The following SPN variants were observed in gnomAD, a reference collection of about 807,000 sequenced individuals.
SPN encodes the protein leukosialin.
A neutral mutation model predicts 8.4 loss-of-function variants in SPN; 6 were observed. The observed-to-expected ratio is 0.72, with a 90% CI of 0.39 to 1.42. The LOEUF is 1.42. Among genes scored for constraint, SPN ranks in the 40% most tolerant of loss-of-function variants. The pLI, the probability that SPN is intolerant of heterozygous loss-of-function variation, is 0.02. For missense variants in SPN, 517 were observed against 530.6 expected, an observed-to-expected ratio of 0.97 and a Z score of 0.25; for synonymous variants, 201 against 222.6, an observed-to-expected ratio of 0.90 and a Z score of 0.86.
chr16:29,663,390 G>T lies in SPN; in HGVS notation c.-35+74G>T, dbSNP rs1372829488. On this transcript the variant is annotated intron_variant, in intron 1 of 1. Transcript: ENST00000652691. The surrounding 1 kb of genome is among the most constrained non-coding windows in gnomAD (Gnocchi z 4.3). Reference sequence around the variant, plus strand: ...TGTGCCTGTGGCTTGAAAAGACTCTGACAGGTTATGATGGGAAGAGATTGG... The same window carrying T: ...TGTGCCTGTGGCTTGAAAAGACTCTTACAGGTTATGATGGGAAGAGATTGG... The T allele has an allele frequency of 4.4e-6, 1 of 225,724 alleles. No homozygotes were observed. Among genetic ancestry groups the T allele is most frequent in the Non-Finnish European group, 8.6e-6 (1 of 116,082 alleles). The allele number at this position is 225,724 out of a possible 1,614,324, so 14.0% of individuals were successfully genotyped here. A position where few individuals can be genotyped will look rare whatever the true frequency, so the allele number is the denominator to read the frequency against.
rs1015754272 is a variant in SPN at position 29,667,987 on chromosome 16, T to C, written c.*3056T>C. ...GCACATGTGTGTGCGCATGTGTGTG[T>C]GTGCGCGCATGTGTGTGTGCATGCA... On this transcript the variant is annotated 3_prime_UTR_variant, in exon 2 of 2. Coordinates refer to ENST00000652691, the MANE Select transcript of SPN (RefSeq NM_003123.6). 1.2e-5 allele frequency: 2 copies of C among 166,698 alleles called. No homozygotes were observed. Among genetic ancestry groups the C allele is most frequent in the Admixed American group, 6.6e-5 (1 of 15,218 alleles). 10.3% of individuals were successfully genotyped at this position (166,698 alleles called of 1,614,324 possible).
chr16:29,669,805 G>A lies in SPN; in HGVS notation c.*4874G>A, dbSNP rs1421350688. On this transcript the variant is annotated 3_prime_UTR_variant, in exon 2 of 2. Coordinates refer to ENST00000652691, the MANE Select transcript of SPN (RefSeq NM_003123.6). Reference sequence around the variant, plus strand: ...GCAGGAGAATCCCTTGAACCCAGGAGGTGGAGGTTGCAGTGAGCCGAGATC... The same window carrying A: ...GCAGGAGAATCCCTTGAACCCAGGAAGTGGAGGTTGCAGTGAGCCGAGATC... The A allele has an allele frequency of 6.0e-6, 1 of 165,802 alleles. No individual in the cohort carries two copies. Among genetic ancestry groups the A allele is most frequent in the Non-Finnish European group, 1.5e-5 (1 of 67,910 alleles). 10.3% of individuals were successfully genotyped at this position (165,802 alleles called of 1,614,324 possible). A position where few individuals can be genotyped will look rare whatever the true frequency, so the allele number is the denominator to read the frequency against.
rs1596773763 is a variant in SPN at position 29,667,633 on chromosome 16, A to G, written c.*2702A>G. On this transcript the variant is annotated 3_prime_UTR_variant, in exon 2 of 2. Transcript: ENST00000652691. ...TCTACTAAAAATACAAAAGTTAGCC[A>G]GGCATGGTGGTGTGCTCCTGTAATC... 6.6e-6 allele frequency: 1 copy of G among 152,570 alleles called. No homozygotes were observed. The highest frequency in any genetic ancestry group is 1.9e-4 in the East Asian group (1 of 5,172). 9.5% of individuals were successfully genotyped at this position (152,570 alleles called of 1,614,324 possible). A position where few individuals can be genotyped will look rare whatever the true frequency, so the allele number is the denominator to read the frequency against.
chr16:29,664,936 C>G lies in SPN; in HGVS notation c.*5C>G. Reference sequence around the variant, plus strand: ...GGAGACGGGGCTGCCCCTTAAGTGTCGGTGAATAGTGAGGCTGGAGGCCGG... The same window carrying G: ...GGAGACGGGGCTGCCCCTTAAGTGTGGGTGAATAGTGAGGCTGGAGGCCGG... On this transcript the variant is annotated 3_prime_UTR_variant, in exon 2 of 2. Coordinates refer to ENST00000652691, the MANE Select transcript of SPN (RefSeq NM_003123.6). The surrounding 1 kb of genome is among the most constrained non-coding windows in gnomAD (Gnocchi z 6.4). 2.2e-6 allele frequency: 3 copies of G among 1,373,154 alleles called. No individual in the cohort carries two copies. Among genetic ancestry groups the G allele is most frequent in the Non-Finnish European group, 2.8e-6 (3 of 1,058,088 alleles). 85.1% of individuals were successfully genotyped at this position (1,373,154 alleles called of 1,614,324 possible). A position where few individuals can be genotyped will look rare whatever the true frequency, so the allele number is the denominator to read the frequency against.
Position 29,668,398 on chromosome 16 carries a change from T to A in SPN, c.*3467T>A, listed in dbSNP as rs992886447. 2.2e-5 allele frequency: 3 copies of A among 139,468 alleles called. No homozygotes were observed. The highest frequency in any genetic ancestry group is 4.6e-5 in the Non-Finnish European group (3 of 65,490). The allele number at this position is 139,468 out of a possible 1,614,324, so 8.6% of individuals were successfully genotyped here. On this transcript the variant is annotated 3_prime_UTR_variant, in exon 2 of 2. Coordinates refer to ENST00000652691, the MANE Select transcript of SPN (RefSeq NM_003123.6). The stretch of plus-strand genomic sequence containing the variant: ...GCTGCTGTGCCTGGCATGTTGCAGA[T>A]CCTCCATGAATATGCATTTGAATGA...
rs1198916248 is a variant in SPN, at chr16:29,664,492, T to C, written c.764T>C (p.Met255Thr). The C allele has an allele frequency of 6.2e-7, 1 of 1,614,228 alleles. No homozygotes were observed. The highest frequency in any genetic ancestry group is 1.1e-5 in the South Asian group (1 of 91,086). ...FRNPDENSRG[M>T]LPVAVLVALL... ...AACCCAGATGAGAACTCACGAGGCA[T>C]GCTGCCAGTGGCTGTGCTTGTGGCC... Residue 255 changes from methionine to threonine, a missense_variant, in exon 2 of 2, where the codon ATG (methionine) becomes ACG (threonine). Coordinates refer to ENST00000652691, the MANE Select transcript of SPN (RefSeq NM_003123.6). The surrounding 1 kb of genome is among the most constrained non-coding windows in gnomAD (Gnocchi z 6.4).
Position 29,664,547 on chromosome 16 carries a change from G to A in SPN, c.819G>A (p.Leu273=), listed in dbSNP as rs778784117. The A allele has an allele frequency of 1.9e-6, 3 of 1,613,732 alleles. No individual in the cohort carries two copies. The East Asian group carries it at 6.7e-5, about 36-fold the overall frequency. ...TGGCGGTCATAGTCCTCGTGGCTCTGCTCCTGCTGTGGCGCCGGCGGCAGA... is the reference window on the plus strand; with the variant it reads ...TGGCGGTCATAGTCCTCGTGGCTCTACTCCTGCTGTGGCGCCGGCGGCAGA... ...ALLAVIVLVA[L]LLLWRRRQKR... The change falls in exon 2 of 2, where the codon CTG becomes CTA. Residue 273 remains leucine (L), a synonymous_variant. Coordinates refer to ENST00000652691, the MANE Select transcript of SPN (RefSeq NM_003123.6). The surrounding 1 kb of genome is among the most constrained non-coding windows in gnomAD (Gnocchi z 6.4).
Position 29,666,552 on chromosome 16 carries a change from A to ACACACACGCGCGCGCGCGCG in SPN, c.*1622_*1623insACACACGCGCGCGCGCGCGC, listed in dbSNP as rs139174583. ...CACACACACACACACACACACACAC[A>ACACACACGCGCGCGCGCGCG]CGCGCGCGCGCGCGCGCTCTCCTGC... On this transcript the variant is annotated 3_prime_UTR_variant, in exon 2 of 2. Coordinates refer to ENST00000652691, the MANE Select transcript of SPN (RefSeq NM_003123.6). 8 of 141,252 alleles carry ACACACACGCGCGCGCGCGCG rather than the reference A, an allele frequency of 5.7e-5. No individual in the cohort carries two copies. The highest frequency in any genetic ancestry group is 2.7e-4 in the South Asian group (1 of 3,696). 8.7% of individuals were successfully genotyped at this position (141,252 alleles called of 1,614,324 possible).
chr16:29,664,566 C>A lies in SPN; in HGVS notation c.838C>A (p.Arg280=). Residue 280 remains arginine, a synonymous_variant, in exon 2 of 2, where the codon CGG becomes AGG. Coordinates refer to ENST00000652691, the MANE Select transcript of SPN (RefSeq NM_003123.6). The surrounding 1 kb of genome is among the most constrained non-coding windows in gnomAD (Gnocchi z 6.4). ...LVALLLLWRR[R]QKRRTGALVL... ...GGCTCTGCTCCTGCTGTGGCGCCGG[C>A]GGCAGAAGCGGCGGACTGGGGCCCT... The A allele has an allele frequency of 6.2e-7, 1 of 1,612,726 alleles. No homozygotes were observed. The highest frequency in any genetic ancestry group is 8.5e-7 in the Non-Finnish European group (1 of 1,179,552).
chr16:29,664,208 C>G lies in SPN; in HGVS notation c.480C>G (p.Thr160=). ...CCACGGCAGCTAGCTCTCTGGAGAC[C>G]TCCAGAGGCACCTCTGGACCCCCTC... ...PVTTAASSLE[T]SRGTSGPPLT... The change falls in exon 2 of 2, where the codon ACC becomes ACG. Residue 160 remains threonine, a synonymous_variant. Coordinates refer to ENST00000652691, the MANE Select transcript of SPN (RefSeq NM_003123.6). The surrounding 1 kb of genome is among the most constrained non-coding windows in gnomAD (Gnocchi z 6.4). 1 of 1,613,890 alleles carries G rather than the reference C, an allele frequency of 6.2e-7. No individual in the cohort carries two copies. Among genetic ancestry groups the G allele is most frequent in the South Asian group, 1.1e-5 (1 of 91,056 alleles).
Position 29,663,736 on chromosome 16 carries a change from C to T in SPN, c.8C>T (p.Thr3Met), listed in dbSNP as rs762062584. The part of the protein sequence containing the change: MA[T>M]LLLLLGVLVV... The stretch of plus-strand genomic sequence containing the variant: ...CTGCCTGTTTGCCTGGAAATGGCCA[C>T]GCTTCTCCTTCTCCTTGGGGTGCTG... The change falls in exon 2 of 2, where the codon ACG becomes ATG. Residue 3 changes from threonine (T) to methionine (M), a missense_variant. Transcript: ENST00000652691. The surrounding 1 kb of genome is among the most constrained non-coding windows in gnomAD (Gnocchi z 4.3). 26 of 1,564,188 alleles carry T rather than the reference C, an allele frequency of 1.7e-5. No homozygotes were observed. The highest frequency in any genetic ancestry group is 2.1e-5 in the Non-Finnish European group (24 of 1,157,026).
rs764313860 is a variant in SPN at position 29,664,670 on chromosome 16, C to T, written c.942C>T (p.Ala314=). ...CAGCCCAGGTCCCTGAGGAGGGGGC[C>T]GTGACAGTGACCGTGGGAGGGTCCG... is the stretch of plus-strand genomic sequence containing the variant. ...AGPAQVPEEG[A]VTVTVGGSGG... Residue 314 remains alanine (A), a synonymous_variant, in exon 2 of 2, where the codon GCC becomes GCT. Coordinates refer to ENST00000652691, the MANE Select transcript of SPN (RefSeq NM_003123.6). The surrounding 1 kb of genome is among the most constrained non-coding windows in gnomAD (Gnocchi z 6.4). 10 of 1,511,522 alleles carry T rather than the reference C, an allele frequency of 6.6e-6. No individual in the cohort carries two copies. Among genetic ancestry groups the T allele is most frequent in the South Asian group, 2.6e-5 (2 of 75,604 alleles). The allele number at this position is 1,511,522 out of a possible 1,614,324, so 93.6% of individuals were successfully genotyped here. A position where few individuals can be genotyped will look rare whatever the true frequency, so the allele number is the denominator to read the frequency against.
In SPN at chr16:29,665,961, G is replaced by T. The variant is rs1966803840; in HGVS notation, c.*1030G>T. The T allele has an allele frequency of 6.0e-6, 1 of 167,148 alleles. No homozygotes were observed. The highest frequency in any genetic ancestry group is 2.1e-4 in the South Asian group (1 of 4,834). The allele number at this position is 167,148 out of a possible 1,614,324, so 10.4% of individuals were successfully genotyped here. A position where few individuals can be genotyped will look rare whatever the true frequency, so the allele number is the denominator to read the frequency against. On this transcript the variant is annotated 3_prime_UTR_variant, in exon 2 of 2. Coordinates refer to ENST00000652691, the MANE Select transcript of SPN (RefSeq NM_003123.6). ...GGTTTCTCCTCCGAGTTTCTGGCTGGGTGTAGTTCTCAGAAACCCCAGTGC... is the reference window on the plus strand; with the variant it reads ...GGTTTCTCCTCCGAGTTTCTGGCTGTGTGTAGTTCTCAGAAACCCCAGTGC...
rs1555490193 is a variant in SPN at position 29,666,560 on chromosome 16, G to GCGCGCACGCGCGCGCGCGCA, written c.*1634_*1635insACGCGCGCGCGCGCACGCGC. 1 of 220,132 alleles carries GCGCGCACGCGCGCGCGCGCA rather than the reference G, an allele frequency of 4.5e-6. No homozygotes were observed. Among genetic ancestry groups the GCGCGCACGCGCGCGCGCGCA allele is most frequent in the Non-Finnish European group, 9.4e-6 (1 of 106,174 alleles). 13.6% of individuals were successfully genotyped at this position (220,132 alleles called of 1,614,324 possible). A position where few individuals can be genotyped will look rare whatever the true frequency, so the allele number is the denominator to read the frequency against. ...CACACACACACACACACACGCGCGC[G>GCGCGCACGCGCGCGCGCGCA]CGCGCGCGCTCTCCTGCGAACAGAG... On this transcript the variant is annotated 3_prime_UTR_variant, in exon 2 of 2. Coordinates refer to ENST00000652691, the MANE Select transcript of SPN (RefSeq NM_003123.6).
In SPN at chr16:29,666,593, G is replaced by T; in HGVS notation, c.*1662G>T. On this transcript the variant is annotated 3_prime_UTR_variant, in exon 2 of 2. Transcript: ENST00000652691. Reference sequence around the variant, plus strand: ...GCTCTCCTGCGAACAGAGGCAGGGGGAGAGGGGTTTGCCCTGGTCTCGGGG... The same window carrying T: ...GCTCTCCTGCGAACAGAGGCAGGGGTAGAGGGGTTTGCCCTGGTCTCGGGG... The T allele has an allele frequency of 3.8e-6, 1 of 263,556 alleles. No homozygotes were observed. The highest frequency in any genetic ancestry group is 8.1e-6 in the Non-Finnish European group (1 of 123,778). The allele number at this position is 263,556 out of a possible 1,614,324, so 16.3% of individuals were successfully genotyped here.
rs1004771768 is a variant in SPN at position 29,670,526 on chromosome 16, A to G, written c.*5595A>G. 4.8e-6 allele frequency: 1 copy of G among 208,360 alleles called. No homozygotes were observed. The highest frequency in any genetic ancestry group is 9.8e-6 in the Non-Finnish European group (1 of 101,898). The allele number at this position is 208,360 out of a possible 1,614,324, so 12.9% of individuals were successfully genotyped here. A position where few individuals can be genotyped will look rare whatever the true frequency, so the allele number is the denominator to read the frequency against. On this transcript the variant is annotated 3_prime_UTR_variant, in exon 2 of 2. Coordinates refer to ENST00000652691, the MANE Select transcript of SPN (RefSeq NM_003123.6). ...AAAAAAAGAAAATATAAAATATGGT[A>G]TAAGATTAAATATATTAGTTATGAA...
Position 29,670,094 on chromosome 16 carries a change from G to A in SPN, c.*5163G>A, listed in dbSNP as rs1966844898. On this transcript the variant is annotated 3_prime_UTR_variant, in exon 2 of 2. Transcript: ENST00000652691. The stretch of plus-strand genomic sequence containing the variant: ...CGCCTGTGGTACCAGCTACTCAAGA[G>A]GCGAAGGCAGGGAAGATTGCTTGAG... 6.1e-6 allele frequency: 1 copy of A among 164,510 alleles called. No individual in the cohort carries two copies. The highest frequency in any genetic ancestry group is 2.1e-4 in the South Asian group (1 of 4,810). The allele number at this position is 164,510 out of a possible 1,614,324, so 10.2% of individuals were successfully genotyped here.
Position 29,663,419 on chromosome 16 carries a change from C to T in SPN, c.-35+103C>T, listed in dbSNP as rs1055041751. On this transcript the variant is annotated intron_variant, in intron 1 of 1. Coordinates refer to ENST00000652691, the MANE Select transcript of SPN (RefSeq NM_003123.6). The surrounding 1 kb of genome is among the most constrained non-coding windows in gnomAD (Gnocchi z 4.3). ...GGTTATGATGGGAAGAGATTGGGAG[C>T]CATTGGGCTGCACAGGGTCAGGGAA... The T allele has an allele frequency of 3.9e-5, 12 of 309,526 alleles. No homozygotes were observed. The highest frequency in any genetic ancestry group is 2.6e-4 in the African/African-American group (12 of 46,202). 19.2% of individuals were successfully genotyped at this position (309,526 alleles called of 1,614,324 possible). A position where few individuals can be genotyped will look rare whatever the true frequency, so the allele number is the denominator to read the frequency against.
chr16:29,663,420 C>T lies in SPN; in HGVS notation c.-35+104C>T. 3.2e-6 allele frequency: 1 copy of T among 314,362 alleles called. No individual in the cohort carries two copies. Among genetic ancestry groups the T allele is most frequent in the East Asian group, 6.2e-5 (1 of 16,162 alleles). 19.5% of individuals were successfully genotyped at this position (314,362 alleles called of 1,614,324 possible). On this transcript the variant is annotated intron_variant, in intron 1 of 1. Coordinates refer to ENST00000652691, the MANE Select transcript of SPN (RefSeq NM_003123.6). This position sits in a 1 kb window ranked among gnomAD's most constrained non-coding sequence, Gnocchi z 4.3. Reference sequence around the variant, plus strand: ...GTTATGATGGGAAGAGATTGGGAGCCATTGGGCTGCACAGGGTCAGGGAAG... The same window carrying T: ...GTTATGATGGGAAGAGATTGGGAGCTATTGGGCTGCACAGGGTCAGGGAAG...
Sources: allele counts gnomAD v4.1 joint callset, GRCh38; gene constraint gnomAD v4.1.1; non-coding constraint Gnocchi (gnomAD v3.1); transcripts MANE v1.5; gene names NCBI Gene and HGNC (gene_info 2026-07-23, HGNC 2026-07-21).